ITGA8: variants seen among roughly 807,000 people sequenced by gnomAD.
ITGA8 encodes integrin subunit alpha 8.
Under a neutral mutation model 142.3 loss-of-function variants are expected in ITGA8, and 91 were observed. The observed-to-expected ratio is 0.64, with a 90% CI of 0.54 to 0.76. The LOEUF (loss-of-function observed/expected upper bound fraction) is 0.76. Ranked by LOEUF, ITGA8 falls within the 30% of genes least tolerant of loss-of-function variation. ITGA8 has a pLI of 0.00. For synonymous variants in ITGA8, 505 were observed against 485.2 expected, an observed-to-expected ratio of 1.04 and a Z score of -0.54; for missense variants, 1,406 against 1,327.7, an observed-to-expected ratio of 1.06 and a Z score of -0.92.
chr10:15,677,587 C>T lies in ITGA8; in HGVS notation c.676+5G>A. On this transcript the variant is annotated splice_donor_5th_base_variant and intron_variant, in intron 6 of 29. Coordinates refer to ENST00000378076, the MANE Select transcript of ITGA8 (RefSeq NM_003638.3). ...GTGCTTTTCTTGTCTGCCAACAGAA[C>T]ATACCTTGCCAGTAGAAACTCCCAG... 1 of 1,613,034 alleles carries T rather than the reference C, an allele frequency of 6.2e-7. No individual in the cohort carries two copies. The highest frequency in any genetic ancestry group is 1.1e-5 in the South Asian group (1 of 90,912).
At chr10:15,576,994 G>A (rs1349560176) in intron 23 of ITGA8, among the ~76,000 whole-genome samples, 1 of 152,056 alleles carries the variant, frequency 6.6e-6, no homozygotes, top group Non-Finnish European at 1.5e-5. Flanking sequence ...ATCATGACAG[G>A]CTTCTGTCAT....
chr10:15,630,775 C>T (rs1169456856), intron 13 of ITGA8, among the ~76,000 whole-genome samples: 2 of 151,924 alleles, frequency 1.3e-5, no homozygotes, highest in East Asian at 1.9e-4. Context: ...AGGTTCTAAA[C>T]ACAGGAGAAA....
At chr10:15,637,514 T>G (rs1045174927) in intron 13 of ITGA8, among the ~76,000 whole-genome samples, 13 of 141,340 alleles carry the variant, frequency 9.2e-5, no homozygotes, top group African/African-American at 3.0e-4. Context: ...ATTTTTTTTT[T>G]TTTTTTTTGT....
At chr10:15,646,708 G>A (rs1183392491) in intron 12 of ITGA8, 138 bp downstream of exon 12, 5 of 602,130 alleles carry the variant, frequency 8.3e-6, no homozygotes, top group Non-Finnish European at 1.4e-5. Flanking sequence ...GCTGCCTTGA[G>A]ATTTGTGATA....
intron 4 of ITGA8, among the ~76,000 whole-genome samples, chr10:15,683,139 C>T (rs933350160): frequency 5.9e-5 from 9 of 152,146 alleles, no homozygotes; most frequent in African/African-American, 1.9e-4. Flanking sequence ...CATTTTCCCT[C>T]CAATATGGTC....
chr10:15,613,833 C>T, intron 14 of ITGA8, 66 bp from the exon 15 acceptor site: 1 of 1,050,174 alleles, frequency 9.5e-7, no homozygotes, highest in South Asian at 1.3e-5. Flanking sequence ...CAGAAGCCCA[C>T]TTCACTGCAT....
At chr10:15,544,397 G>C (rs111380585) in intron 27 of ITGA8, among the ~76,000 whole-genome samples, 1 of 152,152 alleles carries the variant, frequency 6.6e-6, no homozygotes, top group Non-Finnish European at 1.5e-5. Context: ...ATTCCTCAGA[G>C]CCTCCAGGAG....
At chr10:15,543,891 C>G (rs887883035) in intron 27 of ITGA8, among the ~76,000 whole-genome samples, 2 of 152,004 alleles carry the variant, frequency 1.3e-5, no homozygotes, top group Non-Finnish European at 2.9e-5. Context: ...TTATAAGAAA[C>G]AGAAGACACA....
chr10:15,609,908 A>G (rs45560431), intron 15 of ITGA8, among the ~76,000 whole-genome samples: 3,398 of 152,322 alleles, frequency 0.022, 102 homozygotes, highest in East Asian at 0.083. Context: ...ATTTTTAAAA[A>G]GGAATAAAGT....
intron 28 of ITGA8, among the ~76,000 whole-genome samples, chr10:15,523,756 C>CAAAAA (rs11388685): frequency 4.6e-4 from 54 of 117,100 alleles, no homozygotes; most frequent in African/African-American, 1.1e-3. Context: ...CTAAAAATAC[C>CAAAAA]AAAAAAAAAA....
intron 13 of ITGA8, among the ~76,000 whole-genome samples, chr10:15,630,771 T>A (rs181503278): frequency 5.3e-5 from 8 of 152,092 alleles, no homozygotes; most frequent in Admixed American, 2.0e-4. Context: ...TATGAGGTTC[T>A]AAACACAGGA....
At chr10:15,716,321 A>G (rs146624447) in intron 2 of ITGA8, among the ~76,000 whole-genome samples, 92 of 152,370 alleles carry the variant, frequency 6.0e-4, no homozygotes, top group African/African-American at 2.1e-3. Context: ...GTAAACCACT[A>G]TATATTTGGA....
chr10:15,636,587 T>C (rs1257178384), intron 13 of ITGA8, among the ~76,000 whole-genome samples: 1 of 152,192 alleles, frequency 6.6e-6, no homozygotes, highest in African/African-American at 2.4e-5. Flanking sequence ...TTTTCTTGGG[T>C]ACACTGCATT....
intron 2 of ITGA8, among the ~76,000 whole-genome samples, chr10:15,694,016 C>G (rs773274219): frequency 6.6e-6 from 1 of 150,656 alleles, no homozygotes; most frequent in African/African-American, 2.4e-5. Flanking sequence ...CTACAGAGAT[C>G]TTGCAGCGTT....
At chr10:15,716,854 G>T (rs888813319) in intron 2 of ITGA8, among the ~76,000 whole-genome samples, 1 of 151,958 alleles carries the variant, frequency 6.6e-6, no homozygotes, top group African/African-American at 2.4e-5. Flanking sequence ...TAGAGATGGG[G>T]TTTCACCATG....
intron 2 of ITGA8, among the ~76,000 whole-genome samples, chr10:15,704,333 G>A (rs1200908137): frequency 6.6e-6 from 1 of 152,174 alleles, no homozygotes; most frequent in African/African-American, 2.4e-5. Flanking sequence ...TTTCTTAGGT[G>A]CACACTACTG....
chr10:15,695,354 A>G (rs183517286), intron 2 of ITGA8, among the ~76,000 whole-genome samples: 78 of 152,274 alleles, frequency 5.1e-4, no homozygotes, highest in African/African-American at 1.7e-3. Context: ...ATTCTGTTTT[A>G]TTATTTCAAT....
intron 22 of ITGA8, among the ~76,000 whole-genome samples, chr10:15,587,910 G>A (rs1225844671): frequency 6.6e-6 from 1 of 152,190 alleles, no homozygotes; most frequent in Non-Finnish European, 1.5e-5. Flanking sequence ...ACCAGTAACT[G>A]AGTTTTGGAG....
At chr10:15,519,659 A>G (rs1397640223) in intron 28 of ITGA8, among the ~76,000 whole-genome samples, 1 of 152,080 alleles carries the variant, frequency 6.6e-6, no homozygotes, top group African/African-American at 2.4e-5. Context: ...CATCACAGAA[A>G]CCCTAGAATA....
Sources: allele counts gnomAD v4.1 joint callset (sites outside exome capture counted in the v4.1 genomes callset), GRCh38; gene constraint gnomAD v4.1.1; transcripts MANE v1.5; gene names NCBI Gene and HGNC (gene_info 2026-07-23, HGNC 2026-07-21).